TASP1: variants seen among roughly 807,000 people sequenced by gnomAD.
The protein encoded by TASP1 is taspase 1.
A neutral mutation model predicts 56.6 loss-of-function variants in TASP1; 16 were observed. The ratio of observed to expected loss-of-function variants is 0.28; its 90% CI spans 0.19 to 0.43. The LOEUF (loss-of-function observed/expected upper bound fraction) is 0.43, where lower values mean the gene tolerates loss of function less well. Ranked by LOEUF, TASP1 falls within the 20% of genes least tolerant of loss-of-function variation. TASP1 has a pLI of 1.00. For missense variants in TASP1, 393 were observed against 511.6 expected, an observed-to-expected ratio of 0.77 and a Z score of 2.24; for synonymous variants, 179 against 184.2, an observed-to-expected ratio of 0.97 and a Z score of 0.23.
chr20:13,477,852 G>A (rs1055757914), intron 11 of TASP1, among the ~76,000 whole-genome samples: 1 of 152,100 alleles, frequency 6.6e-6, no homozygotes, highest in African/African-American at 2.4e-5. Context: ...GTGCAGACTG[G>A]TTATTCTCTT....
chr20:13,607,597 T>C (rs139597002), intron 4 of TASP1, among the ~76,000 whole-genome samples: 2,229 of 152,344 alleles, frequency 0.015, 28 homozygotes, highest in Non-Finnish European at 0.019. Context: ...CCAATCTTCC[T>C]TTAACGAGAA....
chr20:13,194,215 C>A, the TASP1 span, among the ~76,000 whole-genome samples: 1 of 152,122 alleles, frequency 6.6e-6, no homozygotes, highest in Non-Finnish European at 1.5e-5. Flanking sequence ...AAAACTTGAT[C>A]TACTTTTTTC....
At chr20:13,182,297 C>T in the TASP1 span, among the ~76,000 whole-genome samples, 1 of 152,214 alleles carries the variant, frequency 6.6e-6, no homozygotes, top group Non-Finnish European at 1.5e-5. Flanking sequence ...CACCATTCTC[C>T]AGGCTCCTAC....
the TASP1 span, among the ~76,000 whole-genome samples, chr20:13,332,586 G>A: frequency 0.025 from 3,838 of 152,270 alleles, 72 homozygotes; most frequent in Non-Finnish European, 0.039. Flanking sequence ...TGAAAATGCT[G>A]CACAAAACTA....
At chr20:13,382,571 G>C in the TASP1 span, among the ~76,000 whole-genome samples, 1 of 152,176 alleles carries the variant, frequency 6.6e-6, no homozygotes, top group East Asian at 1.9e-4. Context: ...GCTTGAGCCT[G>C]GGAAGTTGAG....
At chr20:13,287,555 CTCA>C in the TASP1 span, among the ~76,000 whole-genome samples, 2 of 152,214 alleles carry the variant, frequency 1.3e-5, no homozygotes, top group Non-Finnish European at 2.9e-5. Context: ...TTGCACACCA[CTCA>C]TCAATTTCTA....
At position 13,459,877 on chromosome 20, in the gene TASP1, C is replaced by G. The variant is rs2043988577; in HGVS notation, c.985+23350G>C. Among the ~76,000 whole-genome samples, 3 of 152,144 alleles carry G rather than the reference C, an allele frequency of 2.0e-5. No homozygotes were observed. In the South Asian group the frequency reaches 6.2e-4, roughly 32 times the overall value. ...GGACCTTCACCTCTGCCCGAACACA[C>G]ACATCATTAATTTGTCTCTTTCATG... On this transcript the variant is annotated intron_variant, in intron 11 of 13. Transcript: ENST00000337743.
chr20:13,604,883 C>T (rs1391506151), intron 4 of TASP1, among the ~76,000 whole-genome samples: 2 of 151,776 alleles, frequency 1.3e-5, no homozygotes, highest in African/African-American at 4.8e-5. Context: ...GTTAACCATA[C>T]ACTCACCACA....
rs138626337 is a variant in TASP1, at chr20:13,550,042, C to G, written c.675+8966G>C. On this transcript the variant is annotated intron_variant, in intron 8 of 13. Transcript: ENST00000337743. ...GACTTCATATAGATTTAAGGTATAG[C>G]TTGGTGTGGATTTAAGGACGACCTG... Among the ~76,000 whole-genome samples the G allele has an allele frequency of 3.2e-3, 489 of 151,908 alleles. 2 individuals carry two copies. The highest frequency in any genetic ancestry group is 4.3e-3 in the Non-Finnish European group (291 of 67,904).
the TASP1 span, among the ~76,000 whole-genome samples, chr20:13,227,560 G>A: frequency 7.0e-6 from 1 of 142,834 alleles, no homozygotes; most frequent in East Asian, 2.1e-4. Context: ...CCAGGCTGGA[G>A]TGCAGTGGCG....
intron 3 of TASP1, 62 bp downstream of exon 3, chr20:13,625,123 C>A (rs1459661421): frequency 3.3e-6 from 4 of 1,218,798 alleles, no homozygotes; most frequent in Middle Eastern, 2.0e-4. Flanking sequence ...TGTTGAATTT[C>A]AAGGTAAAAC....
intron 10 of TASP1, among the ~76,000 whole-genome samples, chr20:13,513,678 T>C (rs1210467256): frequency 6.6e-6 from 1 of 152,114 alleles, no homozygotes; most frequent in African/African-American, 2.4e-5. Context: ...CCCAGACTTG[T>C]AGATTAATAA....
rs561602331 is a variant in TASP1 at position 13,599,677 on chromosome 20, T to A, written c.283-12307A>T. 2.0e-5 allele frequency among the ~76,000 whole-genome samples: 3 copies of A among 151,378 alleles called. No individual in the cohort carries two copies. The South Asian group carries it at 6.3e-4, about 32-fold the overall frequency. Reference sequence around the variant, plus strand: ...TCTACCCTAGAACTTAAAGTATAATTTTAAAAAAAAATCAATGTAATTCAC... The same window carrying A: ...TCTACCCTAGAACTTAAAGTATAATATTAAAAAAAAATCAATGTAATTCAC... On this transcript the variant is annotated intron_variant, in intron 4 of 13. Coordinates refer to ENST00000337743, the MANE Select transcript of TASP1 (RefSeq NM_017714.3).
At chr20:13,588,461 A>T (rs1487085026) in intron 4 of TASP1, among the ~76,000 whole-genome samples, 1 of 152,194 alleles carries the variant, frequency 6.6e-6, no homozygotes, top group Non-Finnish European at 1.5e-5. Flanking sequence ...ATTAGAATTA[A>T]TAAGTTTAGG....
At chr20:13,605,334 T>C (rs2048110116) in intron 4 of TASP1, among the ~76,000 whole-genome samples, 1 of 152,168 alleles carries the variant, frequency 6.6e-6, no homozygotes, top group African/African-American at 2.4e-5. Context: ...GCATGTAAAT[T>C]ATACTCCAAT....
the TASP1 span, among the ~76,000 whole-genome samples, chr20:13,146,209 G>T: frequency 6.6e-6 from 1 of 152,100 alleles, no homozygotes; most frequent in African/African-American, 2.4e-5. Context: ...CTTACTTATA[G>T]GTGGGAGGTA....
the TASP1 span, among the ~76,000 whole-genome samples, chr20:13,161,190 A>C: frequency 1.3e-5 from 2 of 152,248 alleles, no homozygotes; most frequent in Non-Finnish European, 2.9e-5. Flanking sequence ...AGAGAATCAA[A>C]GACAATTTGA....
intron 13 of TASP1, among the ~76,000 whole-genome samples, chr20:13,408,176 A>G (rs777330915): frequency 2.9e-4 from 44 of 152,228 alleles, no homozygotes; most frequent in Non-Finnish European, 5.6e-4. Flanking sequence ...CCTCCTAAGA[A>G]ATTCATAGTT....
intron 10 of TASP1, among the ~76,000 whole-genome samples, chr20:13,513,614 A>T (rs1162961329): frequency 6.6e-6 from 1 of 152,214 alleles, no homozygotes; most frequent in African/African-American, 2.4e-5. Flanking sequence ...TAGCAGAAAG[A>T]AAAAATAAAG....
Sources: allele counts gnomAD v4.1 joint callset (sites outside exome capture counted in the v4.1 genomes callset), GRCh38; gene constraint gnomAD v4.1.1; transcripts MANE v1.5; gene names NCBI Gene and HGNC (gene_info 2026-07-23, HGNC 2026-07-21).